Variants in TNFAIP8 observed in about 807,000 individuals in gnomAD.
TNFAIP8 encodes TNF alpha induced protein 8.
In TNFAIP8, 7 loss-of-function variants were observed where a neutral mutation model predicts 13.3. That is an observed-to-expected ratio of 0.52 (90% CI 0.30 to 0.99). TNFAIP8 has a LOEUF of 0.99. Among genes scored for constraint, TNFAIP8 ranks in the 50% least tolerant of loss-of-function variants. The probability of loss-of-function intolerance (pLI) is 0.07; values close to 1 mark genes in which losing one functional copy is unlikely to be tolerated. For missense variants in TNFAIP8, 258 were observed against 236.9 expected (o/e 1.09, Z -0.58); for synonymous variants, 94 against 87.6 (o/e 1.07, Z -0.41).
chr5:119,340,619 C>T (rs185539980), intron 1 of TNFAIP8, among the ~76,000 whole-genome samples: 6 of 152,180 alleles, frequency 3.9e-5, no homozygotes, highest in African/African-American at 9.6e-5. Context: ...ATTAGCTTTC[C>T]GATTCTTGGG....
At chr5:119,333,318 A>AC in intron 1 of TNFAIP8, 1 of 1,230,474 alleles carries the variant, frequency 8.1e-7, no homozygotes, top group Non-Finnish European at 1.0e-6. Context: ...ATTAAAGGCT[A>AC]CCTAATGCAT....
chr5:119,288,802 G>A (rs1027639943), intron 1 of TNFAIP8, among the ~76,000 whole-genome samples: 3 of 152,204 alleles, frequency 2.0e-5, no homozygotes, highest in Non-Finnish European at 4.4e-5. Context: ...CTAAATACCA[G>A]AATCTCTTTG....
chr5:119,329,698 C>T (rs1876736), intron 1 of TNFAIP8, among the ~76,000 whole-genome samples: 46,926 of 151,748 alleles, frequency 0.31, 7,500 homozygotes, highest in East Asian at 0.42. Flanking sequence ...AGGATAATGA[C>T]GCCCACCTCC....
intron 1 of TNFAIP8, among the ~76,000 whole-genome samples, chr5:119,285,448 C>T (rs1400770611): frequency 6.6e-6 from 1 of 152,132 alleles, no homozygotes; most frequent in Non-Finnish European, 1.5e-5. Flanking sequence ...GAATTCTGCA[C>T]AAGTGGCTTT....
At chr5:119,317,295 T>TA (rs1041503580) in intron 1 of TNFAIP8, among the ~76,000 whole-genome samples, 3 of 152,106 alleles carry the variant, frequency 2.0e-5, no homozygotes, top group Non-Finnish European at 4.4e-5. Flanking sequence ...TTAGCCAAAA[T>TA]AAATAATTTT....
chr5:119,374,005 TTTTTTAATGA>T (rs1752186894), intron 1 of TNFAIP8, among the ~76,000 whole-genome samples: 2 of 152,326 alleles, frequency 1.3e-5, no homozygotes, highest in African/African-American at 2.4e-5. Flanking sequence ...GTTTTAAACA[TTTTTTAATGA>T]TTTTTAATGA....
intron 1 of TNFAIP8, among the ~76,000 whole-genome samples, chr5:119,366,740 C>G (rs916719761): frequency 6.6e-6 from 1 of 152,160 alleles, no homozygotes; most frequent in African/African-American, 2.4e-5. Context: ...TGATGGTAAG[C>G]AGGCCTCCTG....
At chr5:119,350,626 A>G (rs983030443) in intron 1 of TNFAIP8, among the ~76,000 whole-genome samples, 4 of 152,254 alleles carry the variant, frequency 2.6e-5, no homozygotes, top group Non-Finnish European at 5.9e-5. Flanking sequence ...AAACAAGCAC[A>G]TCCCAGATGT....
At chr5:119,312,869 G>A (rs1749777120) in intron 1 of TNFAIP8, among the ~76,000 whole-genome samples, 1 of 151,934 alleles carries the variant, frequency 6.6e-6, no homozygotes, top group East Asian at 1.9e-4. Flanking sequence ...ATAGGCAAAT[G>A]TGGTAATTAA....
chr5:119,287,796 A>G (rs1229106276), intron 1 of TNFAIP8, among the ~76,000 whole-genome samples: 2 of 152,266 alleles, frequency 1.3e-5, no homozygotes, highest in East Asian at 3.8e-4. Flanking sequence ...TTTCAACTAA[A>G]AATTAGAACA....
intron 1 of TNFAIP8, among the ~76,000 whole-genome samples, chr5:119,336,295 T>C (rs1750549696): frequency 6.6e-6 from 1 of 152,216 alleles, no homozygotes; most frequent in Non-Finnish European, 1.5e-5. Context: ...AGAGCTGGGA[T>C]GAAAACCTGC....
chr5:119,290,952 G>A (rs1013031453), intron 1 of TNFAIP8, among the ~76,000 whole-genome samples: 2 of 152,148 alleles, frequency 1.3e-5, no homozygotes, highest in African/African-American at 4.8e-5. Context: ...CCAAGCTAAG[G>A]AGTTTGGACT....
chr5:119,295,965 T>C (rs1488153420), intron 1 of TNFAIP8, among the ~76,000 whole-genome samples: 2 of 150,860 alleles, frequency 1.3e-5, no homozygotes, highest in Non-Finnish European at 3.0e-5. Flanking sequence ...GTGATTTTTG[T>C]ACATTGATTT....
chr5:119,284,175 A>G (rs1287993830), intron 1 of TNFAIP8, among the ~76,000 whole-genome samples: 1 of 152,166 alleles, frequency 6.6e-6, no homozygotes, highest in African/African-American at 2.4e-5. Flanking sequence ...TTGTTACCCA[A>G]GGTCAGAGGC....
At chr5:119,352,007 C>T (rs1255604256), upstream of TNFAIP8, among the ~76,000 whole-genome samples, 4 of 152,020 alleles carry the variant, frequency 2.6e-5, no homozygotes, top group Non-Finnish European at 5.9e-5. Flanking sequence ...CCAGGCTGGT[C>T]TCGAACTCCT....
At chr5:119,374,110 T>G (rs1752190339) in intron 1 of TNFAIP8, among the ~76,000 whole-genome samples, 1 of 152,302 alleles carries the variant, frequency 6.6e-6, no homozygotes, top group South Asian at 2.1e-4. Context: ...ACAAATACAT[T>G]AAGTAACCAT....
chr5:119,284,222 T>G (rs992176314), intron 1 of TNFAIP8, among the ~76,000 whole-genome samples: 1 of 152,160 alleles, frequency 6.6e-6, no homozygotes, highest in South Asian at 2.1e-4. Context: ...CTAACCATAT[T>G]GCCATAGTTC....
At chr5:119,378,933 G>A (rs190782126) in intron 1 of TNFAIP8, among the ~76,000 whole-genome samples, 41 of 152,164 alleles carry the variant, frequency 2.7e-4, no homozygotes, top group Non-Finnish European at 4.1e-4. Context: ...GCATGGTGGT[G>A]TGCGCCTGTA....
chr5:119,270,719 C>T (rs929214669), intron 1 of TNFAIP8, among the ~76,000 whole-genome samples: 1 of 152,158 alleles, frequency 6.6e-6, no homozygotes, highest in Non-Finnish European at 1.5e-5. Flanking sequence ...CCACCTACTC[C>T]TCTGTAAAAT....
Sources: allele counts gnomAD v4.1 joint callset (sites outside exome capture counted in the v4.1 genomes callset), GRCh38; gene constraint gnomAD v4.1.1; transcripts MANE v1.5; gene names NCBI Gene and HGNC (gene_info 2026-07-23, HGNC 2026-07-21).